Variants in EPHA6 observed in about 807,000 individuals in gnomAD.
EPHA6 encodes ephrin type-A receptor 6.
EPHA6 carries 50 observed loss-of-function variants against 112.0 expected under a neutral mutation model. The observed-to-expected ratio is 0.45, with a 90% CI of 0.36 to 0.56. The LOEUF (loss-of-function observed/expected upper bound fraction) is 0.56, where lower values mean the gene tolerates loss of function less well. EPHA6 is among the 20% of genes least tolerant of loss of function. The probability of loss-of-function intolerance (pLI) is 0.00; values close to 1 mark genes in which losing one functional copy is unlikely to be tolerated. For missense variants in EPHA6, 1,280 were observed against 1,417.4 expected (o/e 0.90, Z 1.56); for synonymous variants, 529 against 490.7 (o/e 1.08, Z -1.03).
chr3:97,575,794 T>C (rs2093378187), intron 11 of EPHA6, among the ~76,000 whole-genome samples: 1 of 152,134 alleles, frequency 6.6e-6, no homozygotes, highest in African/African-American at 2.4e-5. Context: ...GAAATTAAAT[T>C]GGAGACAGGG....
chr3:97,283,659 G>A (rs1328039947), intron 5 of EPHA6, among the ~76,000 whole-genome samples: 1 of 151,980 alleles, frequency 6.6e-6, no homozygotes, highest in Non-Finnish European at 1.5e-5. Context: ...TAATGCATTA[G>A]GGGCTTAAAA....
chr3:97,136,682 T>G lies in EPHA6; in HGVS notation c.1115-89582T>G, dbSNP rs186647208. On this transcript the variant is annotated intron_variant, in intron 3 of 17. Coordinates refer to ENST00000389672, the MANE Select transcript of EPHA6 (RefSeq NM_001080448.3). Reference sequence around the variant, plus strand: ...AGATGGAGGCTACAGTGAGCCATGATTACTGTCGACAGAAAACTTCATAAA... The same window carrying G: ...AGATGGAGGCTACAGTGAGCCATGAGTACTGTCGACAGAAAACTTCATAAA... 7.7e-4 allele frequency among the ~76,000 whole-genome samples: 118 copies of G among 152,288 alleles called. 2 individuals are homozygous for G. In the East Asian group the frequency reaches 0.021, roughly 27 times the overall value.
intron 10 of EPHA6, among the ~76,000 whole-genome samples, chr3:97,488,942 T>A (rs997685505): frequency 1.3e-5 from 2 of 152,216 alleles, no homozygotes; most frequent in African/African-American, 4.8e-5. Context: ...CCATTCTCCA[T>A]CTATATTATG....
chr3:97,633,028 A>G (rs2093916777), intron 13 of EPHA6, among the ~76,000 whole-genome samples: 1 of 152,052 alleles, frequency 6.6e-6, no homozygotes, highest in African/African-American at 2.4e-5. Context: ...AAGTGTATGT[A>G]GATACAGTCC....
intron 3 of EPHA6, among the ~76,000 whole-genome samples, chr3:97,035,485 A>G (rs1452850493): frequency 2.0e-5 from 3 of 151,864 alleles, no homozygotes; most frequent in African/African-American, 4.8e-5. Flanking sequence ...TGAAACAGTG[A>G]TATGCTCCTT....
At chr3:97,741,097 T>C (rs1275382226) in intron 16 of EPHA6, among the ~76,000 whole-genome samples, 3 of 152,128 alleles carry the variant, frequency 2.0e-5, no homozygotes, top group African/African-American at 4.8e-5. Context: ...ACACCTGTAA[T>C]CCTGACCCTT....
At chr3:97,371,913 G>T (rs559261628) in intron 5 of EPHA6, among the ~76,000 whole-genome samples, 1 of 152,174 alleles carries the variant, frequency 6.6e-6, no homozygotes, top group East Asian at 1.9e-4. Flanking sequence ...TTAGGATGAG[G>T]AAATTCCCAC....
At chr3:96,823,639 T>A (rs2033442527) in intron 1 of EPHA6, among the ~76,000 whole-genome samples, 2 of 151,858 alleles carry the variant, frequency 1.3e-5, no homozygotes, top group African/African-American at 4.8e-5. Context: ...TACAAAGTCA[T>A]AAAAGAATTG....
rs534862040 is a variant in EPHA6 at position 97,578,157 on chromosome 3, G to A, written c.2387-14455G>A. Among the ~76,000 whole-genome samples, 18 of 152,280 alleles carry A rather than the reference G, an allele frequency of 1.2e-4. No individual in the cohort carries two copies. In the South Asian group the frequency reaches 3.7e-3, roughly 32 times the overall value. Reference sequence around the variant, plus strand: ...GACTATCAGCATAGAGTCAGATTCTGTTGTAAGTGACAGAAAACCCCAAAT... The same window carrying A: ...GACTATCAGCATAGAGTCAGATTCTATTGTAAGTGACAGAAAACCCCAAAT... On this transcript the variant is annotated intron_variant, in intron 11 of 17. Coordinates refer to ENST00000389672, the MANE Select transcript of EPHA6 (RefSeq NM_001080448.3).
intron 3 of EPHA6, among the ~76,000 whole-genome samples, chr3:97,143,447 A>G (rs954365068): frequency 6.6e-6 from 1 of 151,840 alleles, no homozygotes; most frequent in South Asian, 2.1e-4. Context: ...GATACTGCCT[A>G]AAGTTGGTTA....
chr3:96,814,848 C>A lies in EPHA6; in HGVS notation c.225C>A (p.Thr75=). 1.3e-6 allele frequency: 2 copies of A among 1,563,738 alleles called. No individual in the cohort carries two copies. Among genetic ancestry groups the A allele is most frequent in the Non-Finnish European group, 1.7e-6 (2 of 1,153,946 alleles). Residue 75 remains threonine (T), a synonymous_variant, in exon 1 of 18, where the codon ACC becomes ACA. Transcript: ENST00000389672. Reference sequence around the variant, plus strand: ...AGGACCCCCATCCTACCCAGAACACCTGCCTGCGCTGCCGCCACTTCTCTT... The same window carrying A: ...AGGACCCCCATCCTACCCAGAACACATGCCTGCGCTGCCGCCACTTCTCTT... ...VDKDPHPTQN[T]CLRCRHFSLR... is the part of the protein sequence containing the mutation.
intron 2 of EPHA6, among the ~76,000 whole-genome samples, chr3:96,965,577 A>C (rs2042095634): frequency 6.6e-6 from 1 of 152,134 alleles, no homozygotes; most frequent in Non-Finnish European, 1.5e-5. Context: ...TTTCTTACAG[A>C]TATTAATGCT....
chr3:96,984,301 A>T (rs963399783), intron 2 of EPHA6, among the ~76,000 whole-genome samples: 6 of 151,780 alleles, frequency 4.0e-5, no homozygotes, highest in Admixed American at 3.9e-4. Flanking sequence ...GGTCTGTTGG[A>T]GTTTGCTGGA....
intron 2 of EPHA6, among the ~76,000 whole-genome samples, chr3:96,982,274 C>T (rs1219615292): frequency 3.3e-5 from 5 of 152,148 alleles, no homozygotes; most frequent in Non-Finnish European, 5.9e-5. Flanking sequence ...TTGTTGGTTT[C>T]AAAGAACATC....
intron 14 of EPHA6, among the ~76,000 whole-genome samples, chr3:97,716,536 C>T (rs2034238566): frequency 1.6e-5 from 2 of 122,062 alleles, no homozygotes; most frequent in African/African-American, 5.5e-5. Flanking sequence ...CCACTGCAGT[C>T]CGCAGTCCGG....
intron 2 of EPHA6, among the ~76,000 whole-genome samples, chr3:96,976,078 T>C (rs562512354): frequency 1.3e-5 from 2 of 152,176 alleles, no homozygotes; most frequent in Non-Finnish European, 2.9e-5. Flanking sequence ...CTTTATCCTG[T>C]AATTTGTACA....
intron 5 of EPHA6, among the ~76,000 whole-genome samples, chr3:97,319,597 G>T (rs942614009): frequency 1.4e-5 from 2 of 147,704 alleles, no homozygotes; most frequent in Non-Finnish European, 3.0e-5. Context: ...TTGAACCCAG[G>T]AAGCAGAGGT....
intron 5 of EPHA6, among the ~76,000 whole-genome samples, chr3:97,362,947 A>G (rs2108941789): frequency 6.6e-6 from 1 of 151,528 alleles, no homozygotes; most frequent in South Asian, 2.1e-4. Flanking sequence ...TCTGTTTGAA[A>G]TGGAAGTAAT....
At chr3:96,873,760 G>A (rs1191203397) in intron 2 of EPHA6, among the ~76,000 whole-genome samples, 2 of 152,052 alleles carry the variant, frequency 1.3e-5, no homozygotes, top group African/African-American at 4.8e-5. Flanking sequence ...ACTCCCAGGT[G>A]CTCTTAGAGA....
Sources: allele counts gnomAD v4.1 joint callset (sites outside exome capture counted in the v4.1 genomes callset), GRCh38; gene constraint gnomAD v4.1.1; transcripts MANE v1.5; gene names NCBI Gene and HGNC (gene_info 2026-07-23, HGNC 2026-07-21).